Variants in CLNK observed in about 807,000 individuals in gnomAD.
CLNK encodes cytokine-dependent hematopoietic cell linker.
Under a neutral mutation model 68.6 loss-of-function variants are expected in CLNK, and 74 were observed. That is an observed-to-expected ratio of 1.08 (90% CI 0.89 to 1.31). CLNK has a LOEUF of 1.31. CLNK is among the 50% of genes most tolerant of loss of function. CLNK has a pLI of 0.00. For synonymous variants in CLNK, 198 were observed against 172.2 expected (o/e 1.15, Z -1.17); for missense variants, 553 against 515.3 (o/e 1.07, Z -0.71).
chr4:10,671,794 T>A (rs1577210884), intron 1 of CLNK, among the ~76,000 whole-genome samples: 1 of 152,306 alleles, frequency 6.6e-6, no homozygotes, highest in Middle Eastern at 3.4e-3. Context: ...AAGTTTTAGT[T>A]ATAAAGGAAA....
the CLNK span, among the ~76,000 whole-genome samples, chr4:10,722,406 T>C: frequency 1.3e-5 from 2 of 152,190 alleles, no homozygotes; most frequent in Non-Finnish European, 2.9e-5. Context: ...CTGGGCTTTA[T>C]GTGCTTTCCA....
chr4:10,547,096 G>A (rs987843295), intron 8 of CLNK, among the ~76,000 whole-genome samples: 10 of 152,058 alleles, frequency 6.6e-5, no homozygotes, highest in Non-Finnish European at 2.9e-5. Flanking sequence ...ACCCCTTTAT[G>A]CCTCACCTGT....
intron 11 of CLNK, among the ~76,000 whole-genome samples, chr4:10,533,240 C>T (rs898955879): frequency 3.9e-5 from 6 of 152,192 alleles, no homozygotes; most frequent in African/African-American, 1.4e-4. Context: ...GCCTGGGTGA[C>T]AGAGCGTGAC....
chr4:10,565,904 C>T (rs879230843), intron 6 of CLNK, 105 bp downstream of exon 6: 19 of 1,258,386 alleles, frequency 1.5e-5, no homozygotes, highest in Middle Eastern at 2.2e-4. Flanking sequence ...TGGGGGCAGA[C>T]GTTAACCTAG....
chr4:10,614,523 T>C (rs1722150144), intron 2 of CLNK, among the ~76,000 whole-genome samples: 1 of 152,186 alleles, frequency 6.6e-6, no homozygotes, highest in East Asian at 1.9e-4. Flanking sequence ...TTTTTCAGCC[T>C]GAGAATTCCC....
the CLNK span, among the ~76,000 whole-genome samples, chr4:10,698,833 A>G: frequency 6.6e-6 from 1 of 152,164 alleles, no homozygotes; most frequent in Non-Finnish European, 1.5e-5. Flanking sequence ...GAGTGAGTAA[A>G]GCAGATTGCT....
At chr4:10,681,015 G>A (rs1367257496) in intron 1 of CLNK, among the ~76,000 whole-genome samples, 2 of 151,886 alleles carry the variant, frequency 1.3e-5, no homozygotes, top group Admixed American at 1.3e-4. Context: ...ATTTCTACAG[G>A]TAACCATGGG....
intron 2 of CLNK, among the ~76,000 whole-genome samples, chr4:10,611,305 A>G (rs774445378): frequency 6.6e-6 from 1 of 152,086 alleles, no homozygotes; most frequent in Non-Finnish European, 1.5e-5. Context: ...TGACAGAGCA[A>G]GGCTCCGTCT....
chr4:10,570,874 G>C (rs776512483), intron 5 of CLNK, among the ~76,000 whole-genome samples: 182 of 152,136 alleles, frequency 1.2e-3, no homozygotes, highest in Middle Eastern at 3.4e-3. Context: ...GATGTATCAA[G>C]ATGCAGTTAC....
chr4:10,540,930 A>T (rs115087975), intron 10 of CLNK, among the ~76,000 whole-genome samples: 6,110 of 152,138 alleles, frequency 0.04, 308 homozygotes, highest in East Asian at 0.13. Flanking sequence ...ATATAAAAAA[A>T]GTGGCCAGGC....
chr4:10,588,236 C>T (rs773031264), intron 3 of CLNK, among the ~76,000 whole-genome samples: 7 of 152,160 alleles, frequency 4.6e-5, no homozygotes, highest in South Asian at 2.1e-4. Context: ...AAAGGCAAAC[C>T]GTTCCTGAGA....
At chr4:10,717,610 C>T in the CLNK span, among the ~76,000 whole-genome samples, 3 of 152,138 alleles carry the variant, frequency 2.0e-5, no homozygotes, top group East Asian at 3.9e-4. Context: ...AACAGAAAAG[C>T]TGTATGAGGC....
chr4:10,693,953 A>G, the CLNK span, among the ~76,000 whole-genome samples: 2 of 152,274 alleles, frequency 1.3e-5, 1 homozygote, highest in Non-Finnish European at 2.9e-5. Context: ...AATAGCAGCT[A>G]TAATTTGTTT....
rs114122091 is a variant in CLNK at position 10,506,035 on chromosome 4, G to C, written c.984+1924C>G. ...CTCCTTCAACAGTGACCATTGTACT[G>C]GTTAGCTGGGGATAGGTTTTGATGT... On this transcript the variant is annotated intron_variant, in intron 17 of 18. Coordinates refer to ENST00000226951, the MANE Select transcript of CLNK (RefSeq NM_052964.4). 1.3e-3 allele frequency among the ~76,000 whole-genome samples: 205 copies of C among 152,038 alleles called. 1 individual carries two copies. The highest frequency in any genetic ancestry group is 4.8e-3 in the African/African-American group (200 of 41,492).
intron 5 of CLNK, among the ~76,000 whole-genome samples, chr4:10,567,759 A>G (rs577056925): frequency 1.3e-5 from 2 of 152,376 alleles, no homozygotes; most frequent in African/African-American, 2.4e-5. Context: ...TAAAGTGGGA[A>G]AAGGATATGA....
chr4:10,714,117 C>A, the CLNK span, among the ~76,000 whole-genome samples: 1 of 152,136 alleles, frequency 6.6e-6, no homozygotes, highest in Non-Finnish European at 1.5e-5. Context: ...GAAAGAGCTG[C>A]AGCCAACCAG....
intron 2 of CLNK, among the ~76,000 whole-genome samples, chr4:10,618,556 G>A (rs961755563): frequency 1.3e-5 from 2 of 152,180 alleles, no homozygotes; most frequent in Non-Finnish European, 2.9e-5. Context: ...TTCTTGCACT[G>A]CTATAAAGAA....
chr4:10,499,262 C>T (rs1024086664), intron 18 of CLNK, among the ~76,000 whole-genome samples: 1 of 152,170 alleles, frequency 6.6e-6, no homozygotes, highest in Admixed American at 6.5e-5. Flanking sequence ...GGACTTGTGT[C>T]AGGAATAAAG....
At chr4:10,674,353 T>C (rs1205855097) in intron 1 of CLNK, among the ~76,000 whole-genome samples, 2 of 152,208 alleles carry the variant, frequency 1.3e-5, no homozygotes, top group Admixed American at 6.5e-5. Context: ...TACTGAGTGC[T>C]AGACGCCAAT....
Sources: allele counts gnomAD v4.1 joint callset (sites outside exome capture counted in the v4.1 genomes callset), GRCh38; gene constraint gnomAD v4.1.1; transcripts MANE v1.5; gene names NCBI Gene and HGNC (gene_info 2026-07-23, HGNC 2026-07-21).